SLC44A5: variants seen among roughly 807,000 people sequenced by gnomAD.
SLC44A5 encodes the protein solute carrier family 44 member 5, also known as choline transporter-like protein 5.
Under a neutral mutation model 101.8 loss-of-function variants are expected in SLC44A5, and 57 were observed. The observed-to-expected ratio is 0.56, with a 90% CI of 0.45 to 0.70. The LOEUF is 0.70. SLC44A5 is among the 30% of genes least tolerant of loss of function. SLC44A5 has a pLI of 0.00. For missense variants in SLC44A5, 737 were observed against 853.1 expected (o/e 0.86, Z 1.70); for synonymous variants, 281 against 290.9 (o/e 0.97, Z 0.35).
chr1:75,487,082 A>T (rs746267700), intron 2 of SLC44A5, among the ~76,000 whole-genome samples: 27 of 152,240 alleles, frequency 1.8e-4, no homozygotes, highest in Admixed American at 1.0e-3. Flanking sequence ...TGACACCAGG[A>T]TCATTCATTC....
intron 3 of SLC44A5, among the ~76,000 whole-genome samples, chr1:75,347,160 A>T (rs1658308162): frequency 6.6e-6 from 1 of 152,186 alleles, no homozygotes; most frequent in Admixed American, 6.6e-5. Context: ...GAAAAACAGC[A>T]AGAGTTTGTC....
the SLC44A5 span, among the ~76,000 whole-genome samples, chr1:75,680,349 C>T: frequency 6.6e-6 from 1 of 151,938 alleles, no homozygotes; most frequent in South Asian, 2.1e-4. Context: ...CAAAATTGAC[C>T]ACATACTTGG....
the SLC44A5 span, among the ~76,000 whole-genome samples, chr1:75,648,852 T>C: frequency 6.6e-6 from 1 of 152,158 alleles, no homozygotes; most frequent in Non-Finnish European, 1.5e-5. Flanking sequence ...ACTGTAATAT[T>C]AGTAGTGCCT....
chr1:75,452,816 G>A (rs1174219322), intron 2 of SLC44A5, among the ~76,000 whole-genome samples: 1 of 151,902 alleles, frequency 6.6e-6, no homozygotes, highest in Non-Finnish European at 1.5e-5. Context: ...AAATTATTAG[G>A]GATTCAACTC....
chr1:75,628,924 G>T, the SLC44A5 span, among the ~76,000 whole-genome samples: 7 of 152,086 alleles, frequency 4.6e-5, no homozygotes, highest in Non-Finnish European at 7.4e-5. Context: ...TTGCAAGGGG[G>T]GAAAAGTCCC....
At chr1:75,388,126 G>A (rs575971538) in intron 3 of SLC44A5, among the ~76,000 whole-genome samples, 1 of 141,216 alleles carries the variant, frequency 7.1e-6, no homozygotes, top group Non-Finnish European at 1.5e-5. Flanking sequence ...ACGAGTTAGT[G>A]GGTGCAGCGC....
intron 1 of SLC44A5, among the ~76,000 whole-genome samples, chr1:75,588,538 A>C (rs1430859669): frequency 6.6e-6 from 1 of 152,180 alleles, no homozygotes; most frequent in Non-Finnish European, 1.5e-5. Context: ...CGGAAAAAAA[A>C]AGAAAATGGT....
intron 5 of SLC44A5, among the ~76,000 whole-genome samples, chr1:75,292,445 A>G (rs1178750436): frequency 6.6e-6 from 1 of 152,218 alleles, no homozygotes; most frequent in Non-Finnish European, 1.5e-5. Context: ...AGAATGAAAT[A>G]TTGCCTACAA....
the SLC44A5 span, among the ~76,000 whole-genome samples, chr1:75,618,579 T>C: frequency 3.3e-5 from 5 of 152,212 alleles, no homozygotes; most frequent in Admixed American, 6.5e-5. Context: ...CTTTAGGTGA[T>C]TTCATCCTTG....
rs560330885 is a variant in SLC44A5 at position 75,227,013 on chromosome 1, T to C, written c.985+713A>G. On this transcript the variant is annotated intron_variant, in intron 13 of 23. Coordinates refer to ENST00000370859, the MANE Select transcript of SLC44A5 (RefSeq NM_001130058.2). ...ATTCCTATAAGTGGTTTAAATGTTTTGTTATGAAAAATTGTTGCTTGTTTT... is the reference window on the plus strand; with the variant it reads ...ATTCCTATAAGTGGTTTAAATGTTTCGTTATGAAAAATTGTTGCTTGTTTT... Among the ~76,000 whole-genome samples, 5 of 152,340 alleles carry C rather than the reference T, an allele frequency of 3.3e-5. No homozygotes were observed. The East Asian group carries it at 9.6e-4, about 29-fold the overall frequency.
At chr1:75,322,889 CT>C (rs1186011701) in intron 4 of SLC44A5, among the ~76,000 whole-genome samples, 1 of 152,168 alleles carries the variant, frequency 6.6e-6, no homozygotes, top group Non-Finnish European at 1.5e-5. Context: ...GTTTTTAGCA[CT>C]CTGTTTCTCA....
At position 75,213,889 on chromosome 1, in the gene SLC44A5, T is replaced by C. The variant is rs775629974; in HGVS notation, c.1873+30A>G. 6.5e-6 allele frequency: 10 copies of C among 1,543,514 alleles called. No individual in the cohort carries two copies. The East Asian group carries it at 2.0e-4, about 31-fold the overall frequency. ...TTTTCCAAGCATCTTTTAAACTTTT[T>C]TTTTTATTATTTTCATCATGATTAC... On this transcript the variant is annotated intron_variant, in intron 21 of 23. Coordinates refer to ENST00000370859, the MANE Select transcript of SLC44A5 (RefSeq NM_001130058.2).
chr1:75,528,667 G>T (rs958435057), intron 2 of SLC44A5, among the ~76,000 whole-genome samples: 9 of 152,168 alleles, frequency 5.9e-5, no homozygotes, highest in Non-Finnish European at 1.3e-4. Context: ...TCATTTCTCT[G>T]CTGGAAAAGC....
intron 2 of SLC44A5, among the ~76,000 whole-genome samples, chr1:75,439,945 A>C (rs1424323729): frequency 2.0e-5 from 3 of 152,194 alleles, no homozygotes; most frequent in Non-Finnish European, 2.9e-5. Context: ...TCAGAAAGCA[A>C]GCTAATATTA....
intron 2 of SLC44A5, among the ~76,000 whole-genome samples, chr1:75,509,793 A>C (rs575456359): frequency 5.1e-4 from 77 of 152,338 alleles, no homozygotes; most frequent in Non-Finnish European, 9.0e-4. Context: ...CGCAGATTAT[A>C]GGGCTTACAA....
At chr1:75,413,276 C>T (rs1193393521) in intron 2 of SLC44A5, among the ~76,000 whole-genome samples, 1 of 152,048 alleles carries the variant, frequency 6.6e-6, no homozygotes, top group Non-Finnish European at 1.5e-5. Context: ...ATATATCCCT[C>T]AAAGATAAAT....
intron 2 of SLC44A5, among the ~76,000 whole-genome samples, chr1:75,524,660 C>T (rs1038632325): frequency 5.3e-5 from 8 of 151,702 alleles, no homozygotes; most frequent in Admixed American, 1.3e-4. Context: ...TAAGAGAATG[C>T]GAAAATAAAG....
intron 6 of SLC44A5, among the ~76,000 whole-genome samples, chr1:75,263,820 G>A (rs1004573836): frequency 2.6e-5 from 4 of 152,258 alleles, no homozygotes; most frequent in Middle Eastern, 6.8e-3. Flanking sequence ...ATGAGCTCAT[G>A]TCCTTTGTGT....
chr1:75,553,257 T>C (rs1351999600), intron 1 of SLC44A5, among the ~76,000 whole-genome samples: 1 of 152,196 alleles, frequency 6.6e-6, no homozygotes, highest in African/African-American at 2.4e-5. Context: ...GCCACTATGC[T>C]AGGTTCTAAG....
Sources: allele counts gnomAD v4.1 joint callset (sites outside exome capture counted in the v4.1 genomes callset), GRCh38; gene constraint gnomAD v4.1.1; transcripts MANE v1.5; gene names NCBI Gene and HGNC (gene_info 2026-07-23, HGNC 2026-07-21).